Variants in CTNNA3 observed in about 807,000 individuals in gnomAD.
The protein encoded by CTNNA3 is catenin alpha 3.
In CTNNA3, 76 loss-of-function variants were observed where a neutral mutation model predicts 95.7. The observed-to-expected ratio is 0.79, with a 90% CI of 0.66 to 0.96. The LOEUF is 0.96. Among genes scored for constraint, CTNNA3 ranks in the 40% least tolerant of loss-of-function variants. The pLI is 0.00. For missense variants in CTNNA3, 1,191 were observed against 1,089.8 expected, an observed-to-expected ratio of 1.09 and a Z score of -1.31; for synonymous variants, 431 against 374.4, an observed-to-expected ratio of 1.15 and a Z score of -1.74.
intron 5 of CTNNA3, among the ~76,000 whole-genome samples, chr10:67,375,456 A>C (rs1328102446): frequency 2.6e-5 from 4 of 152,120 alleles, no homozygotes; most frequent in Admixed American, 6.5e-5. Context: ...AAATACAAAA[A>C]AATTAGCCTA....
chr10:67,755,780 C>T (rs192115043), intron 1 of CTNNA3, among the ~76,000 whole-genome samples: 3 of 119,408 alleles, frequency 2.5e-5, no homozygotes, highest in Non-Finnish European at 4.9e-5. Context: ...CCAGCCTGGG[C>T]GACAAAAGTG....
chr10:67,334,108 C>T (rs1262762439), intron 5 of CTNNA3: 1 of 152,234 alleles, frequency 6.6e-6, no homozygotes, highest in Non-Finnish European at 1.5e-5. Flanking sequence ...CTTCCTCCAG[C>T]CACCCAAGCT....
chr10:67,352,772 A>C (rs190007490), intron 5 of CTNNA3, among the ~76,000 whole-genome samples: 185 of 152,110 alleles, frequency 1.2e-3, no homozygotes, highest in Non-Finnish European at 1.5e-3. Context: ...TGTGTCTTCA[A>C]GCCCTTCCCT....
chr10:67,490,011 G>A (rs566697762), intron 5 of CTNNA3, among the ~76,000 whole-genome samples: 71 of 152,120 alleles, frequency 4.7e-4, no homozygotes, highest in African/African-American at 1.1e-3. Flanking sequence ...TTAACACAAA[G>A]CACCAATCTT....
At chr10:66,459,769 A>G (rs2093516446) in intron 11 of CTNNA3, among the ~76,000 whole-genome samples, 1 of 152,234 alleles carries the variant, frequency 6.6e-6, no homozygotes, top group Non-Finnish European at 1.5e-5. Context: ...ATTTAAACAT[A>G]TGAAAACATA....
chr10:67,558,010 G>A (rs1841320768), intron 3 of CTNNA3, among the ~76,000 whole-genome samples: 1 of 152,170 alleles, frequency 6.6e-6, no homozygotes, highest in African/African-American at 2.4e-5. Context: ...TCACAGGTAT[G>A]CATCTTTTTT....
At chr10:66,352,204 C>A (rs2092571655) in intron 12 of CTNNA3, among the ~76,000 whole-genome samples, 1 of 151,950 alleles carries the variant, frequency 6.6e-6, no homozygotes, top group Non-Finnish European at 1.5e-5. Flanking sequence ...GTAACAAGGC[C>A]CCAGCAGTCA....
At chr10:67,162,781 T>C (rs1385813042) in intron 7 of CTNNA3, among the ~76,000 whole-genome samples, 1 of 151,350 alleles carries the variant, frequency 6.6e-6, no homozygotes, top group African/African-American at 2.4e-5. Flanking sequence ...AAAGAGAAGA[T>C]ACAAATTTTT....
intron 5 of CTNNA3, among the ~76,000 whole-genome samples, chr10:67,302,959 C>A (rs1840385929): frequency 6.6e-6 from 1 of 152,102 alleles, no homozygotes; most frequent in Non-Finnish European, 1.5e-5. Flanking sequence ...GGTCTCTGAA[C>A]CAGCAGCACC....
chr10:66,538,958 C>T (rs1358863203), intron 10 of CTNNA3, among the ~76,000 whole-genome samples: 1 of 152,086 alleles, frequency 6.6e-6, no homozygotes, highest in Middle Eastern at 3.2e-3. Context: ...TCACACATTA[C>T]CATCTATCTT....
At chr10:67,494,653 G>C (rs12411786) in intron 5 of CTNNA3, among the ~76,000 whole-genome samples, 10,418 of 152,220 alleles carry the variant, frequency 0.068, 433 homozygotes, top group South Asian at 0.14. Context: ...CTACTAAATA[G>C]GTTACCCTCT....
chr10:67,008,798 C>T (rs1852158262), intron 7 of CTNNA3, among the ~76,000 whole-genome samples: 1 of 152,062 alleles, frequency 6.6e-6, no homozygotes, highest in Admixed American at 6.6e-5. Flanking sequence ...GACAGAAGGC[C>T]CCAGTGCATA....
At chr10:66,525,889 T>G (rs900864765) in intron 10 of CTNNA3, among the ~76,000 whole-genome samples, 5 of 152,200 alleles carry the variant, frequency 3.3e-5, no homozygotes, top group African/African-American at 4.8e-5. Flanking sequence ...TTCGTATAAG[T>G]GGAATTATAC....
chr10:67,516,621 G>A (rs1162735175), intron 5 of CTNNA3, among the ~76,000 whole-genome samples: 1 of 152,146 alleles, frequency 6.6e-6, no homozygotes, highest in Non-Finnish European at 1.5e-5. Context: ...CAAGATGATT[G>A]AGAGATATAT....
chr10:66,444,380 AC>A (rs2093401300), intron 11 of CTNNA3, among the ~76,000 whole-genome samples: 2 of 152,128 alleles, frequency 1.3e-5, no homozygotes, highest in African/African-American at 4.8e-5. Context: ...TGTCAGATTC[AC>A]CAAAGTTGAA....
intron 8 of CTNNA3, among the ~76,000 whole-genome samples, chr10:66,772,534 GA>G (rs1840133920): frequency 6.6e-6 from 1 of 151,828 alleles, no homozygotes; most frequent in Non-Finnish European, 1.5e-5. Context: ...GGAACATTAA[GA>G]ATAATGGGGA....
intron 3 of CTNNA3, among the ~76,000 whole-genome samples, chr10:67,575,189 A>G (rs2133299122): frequency 6.6e-6 from 1 of 152,160 alleles, no homozygotes; most frequent in South Asian, 2.1e-4. Flanking sequence ...TTTCCTATAT[A>G]TATTTTTTGT....
At chr10:67,414,843 A>G (rs577258300) in intron 5 of CTNNA3, among the ~76,000 whole-genome samples, 1 of 152,332 alleles carries the variant, frequency 6.6e-6, no homozygotes, top group Admixed American at 6.5e-5. Context: ...TGCAAATCAT[A>G]TTTGCGTTTG....
intron 12 of CTNNA3, among the ~76,000 whole-genome samples, chr10:66,302,301 C>A (rs1248297869): frequency 1.3e-5 from 2 of 151,940 alleles, no homozygotes; most frequent in South Asian, 2.1e-4. Flanking sequence ...TCCAGCCAGG[C>A]ATTTTGGGTA....
Sources: allele counts gnomAD v4.1 joint callset (sites outside exome capture counted in the v4.1 genomes callset), GRCh38; gene constraint gnomAD v4.1.1; transcripts MANE v1.5; gene names NCBI Gene and HGNC (gene_info 2026-07-23, HGNC 2026-07-21).